FBXO47: variants seen among roughly 807,000 people sequenced by gnomAD.
FBXO47 encodes the protein F-box protein 47, also known as F-box only protein 47.
FBXO47 carries 34 observed loss-of-function variants against 53.9 expected under a neutral mutation model. The observed-to-expected ratio is 0.63, with a 90% CI of 0.48 to 0.84. The LOEUF is 0.84. Among genes scored for constraint, FBXO47 ranks in the 40% least tolerant of loss-of-function variants. FBXO47 has a pLI of 0.00. For missense variants in FBXO47, 485 were observed against 541.3 expected (o/e 0.90, Z 1.03); for synonymous variants, 165 against 181.6 (o/e 0.91, Z 0.73).
chr17:38,961,411 G>C (rs150940556), intron 3 of FBXO47, among the ~76,000 whole-genome samples: 247 of 152,304 alleles, frequency 1.6e-3, no homozygotes, highest in Middle Eastern at 6.8e-3. Context: ...GATAAGGTCA[G>C]TTTAATTATA....
chr17:38,945,287 A>G (rs1904704419), intron 6 of FBXO47, 151 bp from the exon 7 acceptor site: 2 of 566,744 alleles, frequency 3.5e-6, no homozygotes, highest in Middle Eastern at 9.6e-4. Flanking sequence ...CTATTCTTAA[A>G]CTCCCCTAAC....
chr17:38,953,729 A>G (rs1194128362), intron 5 of FBXO47, among the ~76,000 whole-genome samples: 1 of 152,240 alleles, frequency 6.6e-6, no homozygotes, highest in African/African-American at 2.4e-5. Context: ...AACTCAGTGG[A>G]CAAGGAGAGA....
At position 38,957,903 on chromosome 17, in the gene FBXO47, C is replaced by T. The variant is rs180932478; in HGVS notation, c.353-650G>A. Reference sequence around the variant, plus strand: ...GGATGAAGTGCAGTGGCGTGATCTCCGCTCACTGCAACCTCCACCTCCCAG... The same window carrying T: ...GGATGAAGTGCAGTGGCGTGATCTCTGCTCACTGCAACCTCCACCTCCCAG... On this transcript the variant is annotated intron_variant, in intron 3 of 10. Coordinates refer to ENST00000378079, the MANE Select transcript of FBXO47 (RefSeq NM_001008777.3). 7.2e-5 allele frequency among the ~76,000 whole-genome samples: 11 copies of T among 151,880 alleles called. No homozygotes were observed. In the East Asian group the frequency reaches 7.8e-4, roughly 11 times the overall value.
At chr17:38,949,060 T>G (rs941016309) in intron 6 of FBXO47, among the ~76,000 whole-genome samples, 1 of 152,146 alleles carries the variant, frequency 6.6e-6, no homozygotes, top group African/African-American at 2.4e-5. Flanking sequence ...GTTTATCTAT[T>G]GACCCATTGA....
At chr17:38,944,221 G>A (rs926021232) in intron 7 of FBXO47, among the ~76,000 whole-genome samples, 1 of 150,116 alleles carries the variant, frequency 6.7e-6, no homozygotes, top group African/African-American at 2.5e-5. Context: ...GTGTGTGTGT[G>A]TGTGTGTGTG....
intron 3 of FBXO47, among the ~76,000 whole-genome samples, chr17:38,960,693 G>A (rs1000032577): frequency 2.0e-5 from 3 of 148,152 alleles, no homozygotes; most frequent in South Asian, 2.1e-4. Context: ...GTGCAGTGGC[G>A]TGACCTCGGC....
At chr17:38,945,818 C>A (rs1306369513) in intron 6 of FBXO47, among the ~76,000 whole-genome samples, 1 of 150,478 alleles carries the variant, frequency 6.6e-6, no homozygotes, top group Non-Finnish European at 1.5e-5. Flanking sequence ...CGCCTGTAGT[C>A]CCAGCTACTT....
chr17:38,966,097 T>C (rs1275731108), intron 1 of FBXO47, among the ~76,000 whole-genome samples: 2 of 152,222 alleles, frequency 1.3e-5, no homozygotes, highest in Non-Finnish European at 2.9e-5. Context: ...AATAACCTTC[T>C]ACAAGTAATC....
intron 5 of FBXO47, among the ~76,000 whole-genome samples, chr17:38,954,466 A>G (rs1198629284): frequency 6.6e-6 from 1 of 152,196 alleles, no homozygotes; most frequent in Non-Finnish European, 1.5e-5. Flanking sequence ...CTGATTACTA[A>G]TATCACACCT....
At chr17:38,963,184 T>C in intron 1 of FBXO47, 133 bp from the exon 2 acceptor site, 1 of 573,544 alleles carries the variant, frequency 1.7e-6, no homozygotes, top group Non-Finnish European at 3.0e-6. Context: ...AAAAGATTTT[T>C]GGTTTTTTTT....
chr17:38,951,214 G>T (rs1004219513), intron 6 of FBXO47, among the ~76,000 whole-genome samples: 2 of 148,766 alleles, frequency 1.3e-5, no homozygotes, highest in Non-Finnish European at 3.0e-5. Flanking sequence ...TTTATTTATC[G>T]AGACAGGGTC....
intron 2 of FBXO47, 50 bp downstream of exon 2, chr17:38,962,795 A>C: frequency 7.5e-7 from 1 of 1,341,604 alleles, no homozygotes; most frequent in Non-Finnish European, 1.0e-6. Context: ...GGGAAAAATT[A>C]AAATACTCTA....
chr17:38,950,510 G>A (rs1379185322), intron 6 of FBXO47, among the ~76,000 whole-genome samples: 1 of 145,184 alleles, frequency 6.9e-6, no homozygotes, highest in Non-Finnish European at 1.5e-5. Flanking sequence ...ATGTCGCCCA[G>A]GCTGGTCTCT....
At chr17:38,965,393 T>C (rs1419608608) in intron 1 of FBXO47, among the ~76,000 whole-genome samples, 4 of 152,200 alleles carry the variant, frequency 2.6e-5, no homozygotes, top group African/African-American at 7.2e-5. Context: ...TTGTTACTTA[T>C]ACATCTTGAA....
At position 38,942,539 on chromosome 17, in the gene FBXO47, A is replaced by G. The variant is rs144363930; in HGVS notation, c.1083+239T>C. Among the ~76,000 whole-genome samples, 151 of 152,338 alleles carry G rather than the reference A, an allele frequency of 9.9e-4. 4 individuals are homozygous for G. In the East Asian group the frequency reaches 0.025, roughly 25 times the overall value. On this transcript the variant is annotated intron_variant, in intron 9 of 10. Transcript: ENST00000378079. ...AACATGGGAGGTGGAAGTTGCGGTG[A>G]GCCGAGATCGCACCACTGCACTCCA...
intron 3 of FBXO47, 25 bp downstream of exon 3, chr17:38,961,852 T>G (rs763809872): frequency 6.3e-7 from 1 of 1,594,386 alleles, no homozygotes; most frequent in East Asian, 2.2e-5. Context: ...TCTTTACTTG[T>G]TGCAATTCTC....
intron 2 of FBXO47, among the ~76,000 whole-genome samples, chr17:38,962,541 G>A (rs1430761266): frequency 6.6e-6 from 1 of 151,440 alleles, no homozygotes; most frequent in Non-Finnish European, 1.5e-5. Context: ...GGGAAGTGGA[G>A]GTTGCGGTGA....
chr17:38,961,666 A>C (rs954493346), intron 3 of FBXO47, among the ~76,000 whole-genome samples: 2 of 152,238 alleles, frequency 1.3e-5, no homozygotes, highest in African/African-American at 4.8e-5. Flanking sequence ...ATGAAATCTC[A>C]AGAATTGACA....
rs1412041658 is a variant in FBXO47, at chr17:38,937,238, A to G, written c.1296T>C (p.His432=). The change falls in exon 11 of 11, where the codon CAT becomes CAC. Residue 432 remains histidine (H), a synonymous_variant. Transcript: ENST00000378079. The stretch of plus-strand genomic sequence containing the variant: ...CCTCCTTATGGAAGTTAGCCTGAGC[A>G]TGTACAAGATGGAACAAATTCAAAA... ...RSFLNLFHLV[H]AQANFHKEVL... 8 of 1,611,160 alleles carry G rather than the reference A, an allele frequency of 5.0e-6. No homozygotes were observed. Among genetic ancestry groups the G allele is most frequent in the Non-Finnish European group, 6.8e-6 (8 of 1,177,808 alleles).
Sources: allele counts gnomAD v4.1 joint callset (sites outside exome capture counted in the v4.1 genomes callset), GRCh38; gene constraint gnomAD v4.1.1; transcripts MANE v1.5; gene names NCBI Gene and HGNC (gene_info 2026-07-23, HGNC 2026-07-21).